The following KIF13B variants were observed in gnomAD, a reference collection of about 807,000 sequenced individuals.
The protein encoded by KIF13B is kinesin-like protein KIF13B.
In KIF13B, 127 loss-of-function variants were observed where a neutral mutation model predicts 222.0. That is an observed-to-expected ratio of 0.57 (90% confidence interval 0.50 to 0.66). The LOEUF (loss-of-function observed/expected upper bound fraction) is 0.66, where lower values mean the gene tolerates loss of function less well. Among genes scored for constraint, KIF13B ranks in the 30% least tolerant of loss-of-function variants. The probability of loss-of-function intolerance (pLI) is 0.00; values close to 1 mark genes in which losing one functional copy is unlikely to be tolerated. For synonymous variants in KIF13B, 976 were observed against 919.0 expected (o/e 1.06, Z -1.12); for missense variants, 2,173 against 2,379.0 (o/e 0.91, Z 1.80).
intron 2 of KIF13B, among the ~76,000 whole-genome samples, chr8:29,237,240 G>A (rs1301803577): frequency 2.6e-5 from 4 of 151,588 alleles, no homozygotes; most frequent in African/African-American, 9.7e-5. Context: ...TTGAGACAAA[G>A]AGCGCTAAAA....
Position 29,099,118 on chromosome 8 carries a change from G to A in KIF13B, c.4324+15C>T, listed in dbSNP as rs748638815. On this transcript the variant is annotated intron_variant, in intron 36 of 39. Coordinates refer to ENST00000524189, the MANE Select transcript of KIF13B (RefSeq NM_015254.4). ...AGATTTCTGACAGTAATTGACAAGT[G>A]AAAAGATAACTTACCTGGATCTGGA... is the stretch of plus-strand genomic sequence containing the variant. 1 of 1,576,282 alleles carries A rather than the reference G, an allele frequency of 6.3e-7. No homozygotes were observed. Among genetic ancestry groups the A allele is most frequent in the Admixed American group, 1.7e-5 (1 of 59,972 alleles).
intron 10 of KIF13B, among the ~76,000 whole-genome samples, chr8:29,168,804 C>T (rs897257568): frequency 3.9e-5 from 6 of 152,312 alleles, no homozygotes; most frequent in Non-Finnish European, 8.8e-5. Flanking sequence ...TTAAGCCACA[C>T]GCACCCGGAG....
chr8:29,197,305 C>A (rs1813475519), intron 2 of KIF13B, among the ~76,000 whole-genome samples: 1 of 134,250 alleles, frequency 7.4e-6, no homozygotes, highest in Non-Finnish European at 1.6e-5. Flanking sequence ...CCACTGCACT[C>A]CAGCCTGGGC....
intron 2 of KIF13B, among the ~76,000 whole-genome samples, chr8:29,199,285 T>C (rs901754554): frequency 1.2e-4 from 19 of 152,210 alleles, no homozygotes; most frequent in Admixed American, 1.2e-3. Flanking sequence ...TTAGACCAGG[T>C]GCACTGCATG....
At chr8:29,175,996 C>T in intron 10 of KIF13B, 72 bp downstream of exon 10, 2 of 812,960 alleles carry the variant, frequency 2.5e-6, no homozygotes, top group East Asian at 2.6e-5. Flanking sequence ...AAGGGATTAA[C>T]AGTCTACTCT....
chr8:29,117,574 G>C (rs74413518), intron 30 of KIF13B, among the ~76,000 whole-genome samples: 21 of 152,164 alleles, frequency 1.4e-4, no homozygotes, highest in Non-Finnish European at 2.6e-4. Flanking sequence ...TGTCACGCTT[G>C]ACCCTGCTGA....
intron 35 of KIF13B, among the ~76,000 whole-genome samples, chr8:29,101,731 C>T (rs1222334927): frequency 6.6e-6 from 1 of 152,210 alleles, no homozygotes; most frequent in African/African-American, 2.4e-5. Context: ...ATGCTCCCCC[C>T]GCAACCCCAC....
intron 37 of KIF13B, among the ~76,000 whole-genome samples, chr8:29,083,788 C>T (rs1471939): frequency 0.71 from 107,706 of 152,064 alleles, 39,103 homozygotes; most frequent in Middle Eastern, 0.78. Context: ...AAATACAGCA[C>T]ACTATATCTA....
intron 37 of KIF13B, among the ~76,000 whole-genome samples, chr8:29,078,819 C>A (rs1456178716): frequency 2.0e-5 from 3 of 152,200 alleles, no homozygotes; most frequent in African/African-American, 7.2e-5. Context: ...ACTAAGTTCT[C>A]AAGTGCTGGC....
At chr8:29,209,216 T>C (rs1295958613) in intron 2 of KIF13B, among the ~76,000 whole-genome samples, 1 of 152,100 alleles carries the variant, frequency 6.6e-6, no homozygotes, top group African/African-American at 2.4e-5. Context: ...GAGGCACCAC[T>C]GGGAGGTGAG....
At chr8:29,140,827 G>A in intron 19 of KIF13B, 4 of 475,776 alleles carry the variant, frequency 8.4e-6, no homozygotes, top group South Asian at 7.7e-5. Flanking sequence ...CATTCACAAT[G>A]GAGGTGAGCA....
intron 2 of KIF13B, among the ~76,000 whole-genome samples, chr8:29,221,097 C>G (rs1015417734): frequency 9.8e-5 from 11 of 112,810 alleles, no homozygotes; most frequent in African/African-American, 4.2e-4. Flanking sequence ...GAGCTGTGTT[C>G]TTTTTTTTTT....
intron 30 of KIF13B, 102 bp downstream of exon 30, chr8:29,118,766 A>G (rs571362064): frequency 8.3e-7 from 1 of 1,198,306 alleles, no homozygotes. Context: ...TATTTTGAGA[A>G]ATGTAAAGTA....
At position 29,099,913 on chromosome 8, in the gene KIF13B, A is replaced by G. The variant is rs533080018; in HGVS notation, c.4216-672T>C. Reference sequence around the variant, plus strand: ...ACCACTTCTGCTCTTTTGCCTCAAGATACCCTTTTTCACTCAGTTCTCCAC... The same window carrying G: ...ACCACTTCTGCTCTTTTGCCTCAAGGTACCCTTTTTCACTCAGTTCTCCAC... On this transcript the variant is annotated intron_variant, in intron 35 of 39. Transcript: ENST00000524189. 5.9e-5 allele frequency among the ~76,000 whole-genome samples: 9 copies of G among 152,202 alleles called. 1 individual carries two copies. The South Asian group carries it at 6.2e-4, about 11-fold the overall frequency.
intron 1 of KIF13B, among the ~76,000 whole-genome samples, chr8:29,248,578 G>A (rs1450219440): frequency 6.6e-6 from 1 of 152,140 alleles, no homozygotes; most frequent in African/African-American, 2.4e-5. Context: ...GATCTCGTGA[G>A]ACTTATTCAT....
intron 35 of KIF13B, among the ~76,000 whole-genome samples, chr8:29,105,542 C>A (rs776525454): frequency 6.6e-6 from 1 of 151,682 alleles, no homozygotes; most frequent in East Asian, 1.9e-4. Flanking sequence ...GCTCCTTTGT[C>A]CTATTTTTCT....
Position 29,134,141 on chromosome 8 carries a change from A to G in KIF13B, c.2683T>C (p.Trp895Arg). Residue 895 changes from tryptophan (W) to arginine (R), a missense_variant, in exon 22 of 40, where the codon TGG (tryptophan) becomes CGG (arginine). This residue lies in a region of KIF13B where 1,480 missense variants were observed against 1,722.8 expected (regional missense o/e 0.86). Coordinates refer to ENST00000524189, the MANE Select transcript of KIF13B (RefSeq NM_015254.4). Reference protein sequence around the residue: ...SHFVFCKYSFWDQQEPVIVAP... With the variant: ...SHFVFCKYSFRDQQEPVIVAP... ...ACAATCACCGGCTCCTGTTGATCCC[A>G]GAAGCTGTATTTGCAGAACACAAAG... is the stretch of plus-strand genomic sequence containing the variant. 6.2e-7 allele frequency: 1 copy of G among 1,614,032 alleles called. No homozygotes were observed. Among genetic ancestry groups the G allele is most frequent in the Non-Finnish European group, 8.5e-7 (1 of 1,179,882 alleles).
In KIF13B at chr8:29,228,472, A is replaced by AAATATATAT; in HGVS notation, c.149+16873_149+16874insATATATATT. ...ACAGAGCCAGACTCCATCTTAAAAA[A>AAATATATAT]ATATATATATATATATATGAGATAC... On this transcript the variant is annotated intron_variant, in intron 2 of 39. Coordinates refer to ENST00000524189, the MANE Select transcript of KIF13B (RefSeq NM_015254.4). Among the ~76,000 whole-genome samples the AAATATATAT allele has an allele frequency of 2.1e-4, 25 of 117,086 alleles. 1 individual carries two copies. The highest frequency in any genetic ancestry group is 3.5e-4 in the Non-Finnish European group (20 of 56,656). 76.8% of individuals were successfully genotyped at this position (117,086 alleles called of 152,430 possible).
In KIF13B at chr8:29,147,378, T is replaced by C; in HGVS notation, c.2024+14A>G. 6.3e-7 allele frequency: 1 copy of C among 1,584,862 alleles called. No individual in the cohort carries two copies. Among genetic ancestry groups the C allele is most frequent in the Non-Finnish European group, 8.6e-7 (1 of 1,165,592 alleles). On this transcript the variant is annotated intron_variant, in intron 17 of 39. Coordinates refer to ENST00000524189, the MANE Select transcript of KIF13B (RefSeq NM_015254.4). ...CTGAGCTATAAAGTTAACAGGCCCC[T>C]CTGTGCCGCCTACCTCTCCTCAGCC...
Sources: gnomAD v4.1 joint callset for allele counts (sites outside exome capture counted in the v4.1 genomes callset) on GRCh38, gnomAD v4.1.1 for gene constraint, gnomAD v4.1.1 regional missense constraint, MANE v1.5 for transcripts, NCBI Gene and HGNC (gene_info 2026-07-23, HGNC 2026-07-21) for gene names.